Variants in MIOS observed in about 807,000 individuals in gnomAD.
MIOS encodes the protein GATOR2 complex protein MIOS.
Under a neutral mutation model 96.9 loss-of-function variants are expected in MIOS, and 52 were observed. That is an observed-to-expected ratio of 0.54 (90% CI 0.43 to 0.68). MIOS has a LOEUF of 0.68. Ranked by LOEUF, MIOS falls within the 30% of genes least tolerant of loss-of-function variation. The pLI, the probability that MIOS is intolerant of heterozygous loss-of-function variation, is 0.00. For missense variants in MIOS, 1,005 were observed against 1,052.8 expected, an observed-to-expected ratio of 0.95 and a Z score of 0.63; for synonymous variants, 397 against 359.5, an observed-to-expected ratio of 1.10 and a Z score of -1.18.
In MIOS at chr7:7,572,886, A is replaced by G. The variant is rs1484660002; in HGVS notation, c.411A>G (p.Arg137=). 1 of 1,614,084 alleles carries G rather than the reference A, an allele frequency of 6.2e-7. No individual in the cohort carries two copies. Among genetic ancestry groups the G allele is most frequent in the African/African-American group, 1.3e-5 (1 of 74,944 alleles). Reference sequence around the variant, plus strand: ...TAGCTGCTGGTTTAGATAAGCACAGAGCTGACTTTTCAGTGCTAATATGGG... The same window carrying G: ...TAGCTGCTGGTTTAGATAAGCACAGGGCTGACTTTTCAGTGCTAATATGGG... ...NWLAAGLDKH[R]ADFSVLIWDI... The change falls in exon 4 of 13, where the codon AGA becomes AGG. Residue 137 remains arginine (R), a synonymous_variant. Transcript: ENST00000340080. The surrounding 1 kb of genome is among the most constrained non-coding windows in gnomAD (Gnocchi z 4.8).
At chr7:7,583,056 A>G in intron 5 of MIOS, 62 bp from the exon 6 acceptor site, 1 of 1,496,940 alleles carries the variant, frequency 6.7e-7, no homozygotes, top group Middle Eastern at 2.0e-4. Context: ...TCTCTGTAAA[A>G]CTGACTTACT....
intron 3 of MIOS, among the ~76,000 whole-genome samples, chr7:7,569,677 G>T (rs189730095): frequency 2.0e-5 from 3 of 152,308 alleles, no homozygotes; most frequent in Non-Finnish European, 2.9e-5. Context: ...TAATCCAGTA[G>T]AAGAGACAGA....
At chr7:7,600,575 T>C (rs536287920) in intron 11 of MIOS, among the ~76,000 whole-genome samples, 7 of 152,214 alleles carry the variant, frequency 4.6e-5, no homozygotes, top group Non-Finnish European at 1.0e-4. Flanking sequence ...AGCAAGTCCT[T>C]AGTGACCTAC....
chr7:7,599,341 A>C (rs563018479), intron 11 of MIOS, among the ~76,000 whole-genome samples: 1 of 152,156 alleles, frequency 6.6e-6, no homozygotes, highest in East Asian at 1.9e-4. Context: ...CATATTTGCT[A>C]CTTTTTTCTA....
chr7:7,577,456 C>G (rs145466832), intron 5 of MIOS, among the ~76,000 whole-genome samples: 4 of 152,190 alleles, frequency 2.6e-5, no homozygotes, highest in African/African-American at 9.6e-5. Context: ...CAAAAAGATA[C>G]GCAGTAGGAG....
chr7:7,605,193 A>G (rs1434307181), intron 11 of MIOS: 3 of 152,128 alleles, frequency 2.0e-5, no homozygotes, highest in Non-Finnish European at 2.9e-5. Flanking sequence ...TAATTAAGCA[A>G]TTGTTTAAGT....
chr7:7,599,273 A>G (rs1442232890), intron 11 of MIOS, among the ~76,000 whole-genome samples: 1 of 152,202 alleles, frequency 6.6e-6, no homozygotes, highest in African/African-American at 2.4e-5. Flanking sequence ...TTCATCTTTC[A>G]CTACAGAAAT....
At chr7:7,580,835 C>T (rs1328524210) in intron 5 of MIOS, among the ~76,000 whole-genome samples, 2 of 150,662 alleles carry the variant, frequency 1.3e-5, no homozygotes, top group Non-Finnish European at 1.5e-5. Flanking sequence ...TACAGGTGCA[C>T]ACCACCACAC....
Position 7,573,625 on chromosome 7 carries a change from A to G in MIOS, c.1150A>G (p.Asn384Asp). 1 of 1,614,030 alleles carries G rather than the reference A, an allele frequency of 6.2e-7. No individual in the cohort carries two copies. The highest frequency in any genetic ancestry group is 8.5e-7 in the Non-Finnish European group (1 of 1,179,936). ...LYECTEEEND[N>D]SLEKDIATKM... ...TGAATGTACGGAAGAAGAAAATGATAATTCTTTAGAAAAAGATATAGCAAC... is the reference window on the plus strand; with the variant it reads ...TGAATGTACGGAAGAAGAAAATGATGATTCTTTAGAAAAAGATATAGCAAC... The change falls in exon 4 of 13, where the codon AAT becomes GAT. Residue 384 changes from asparagine (N) to aspartate (D), a missense_variant. Transcript: ENST00000340080. This position sits in a 1 kb window ranked among gnomAD's most constrained non-coding sequence, Gnocchi z 5.0.
chr7:7,606,824 A>C (rs941435443), intron 12 of MIOS, among the ~76,000 whole-genome samples, 172 bp from the exon 13 acceptor site: 2 of 151,994 alleles, frequency 1.3e-5, no homozygotes, highest in African/African-American at 4.8e-5. Flanking sequence ...AGTGGTGCAC[A>C]CCTGTAGTCC....
chr7:7,567,908 TGATATGTTGGC>T (rs1487719691), intron 2 of MIOS, 107 bp from the exon 3 acceptor site: 24 of 152,384 alleles, frequency 1.6e-4, no homozygotes, highest in African/African-American at 4.1e-4. Context: ...ATAATGCTGT[TGATATGTTGGC>T]TAAATAAAAT....
In MIOS at chr7:7,608,835, T is replaced by C. The variant is rs1784595253; in HGVS notation, c.*1743T>C. The C allele has an allele frequency of 6.6e-6, 1 of 152,072 alleles. No individual in the cohort carries two copies. 9.4% of individuals were successfully genotyped at this position (152,072 alleles called of 1,614,324 possible). ...TATAAAACATGAATGTAAAGTCTAT[T>C]ATGTAATATGCTTATTTGTAATCCT... On this transcript the variant is annotated 3_prime_UTR_variant, in exon 13 of 13. Coordinates refer to ENST00000340080, the MANE Select transcript of MIOS (RefSeq NM_019005.4).
At chr7:7,575,646 C>G (rs1329390439) in intron 5 of MIOS, among the ~76,000 whole-genome samples, 1 of 152,106 alleles carries the variant, frequency 6.6e-6, no homozygotes, top group African/African-American at 2.4e-5. Context: ...CCACACTGCA[C>G]TCAATTATTT....
chr7:7,573,605 G>A lies in MIOS; in HGVS notation c.1130G>A (p.Cys377Tyr), dbSNP rs560593245. 8.1e-6 allele frequency: 13 copies of A among 1,614,052 alleles called. No individual in the cohort carries two copies. The East Asian group carries it at 2.7e-4, about 33-fold the overall frequency. ...GCTTGTGGTCGTCATTTATATGAAT[G>A]TACGGAAGAAGAAAATGATAATTCT... is the stretch of plus-strand genomic sequence containing the variant. The part of the protein sequence containing the change: ...MWACGRHLYE[C>Y]TEEENDNSLE... Residue 377 changes from cysteine (C) to tyrosine (Y), a missense_variant, in exon 4 of 13, where the codon TGT becomes TAT. Coordinates refer to ENST00000340080, the MANE Select transcript of MIOS (RefSeq NM_019005.4). This position sits in a 1 kb window ranked among gnomAD's most constrained non-coding sequence, Gnocchi z 5.0.
intron 9 of MIOS, among the ~76,000 whole-genome samples, chr7:7,593,678 G>C (rs1422203674): frequency 4.0e-5 from 6 of 151,774 alleles, no homozygotes; most frequent in Non-Finnish European, 8.8e-5. Context: ...CAGATTACCT[G>C]AGGTCAGGAG....
Position 7,589,566 on chromosome 7 carries a change from C to A in MIOS, c.2043+3C>A. 6.3e-7 allele frequency: 1 copy of A among 1,591,360 alleles called. No individual in the cohort carries two copies. The highest frequency in any genetic ancestry group is 1.2e-5 in the South Asian group (1 of 86,608). ...CAGCAAGTTACTGTATGTTACAGGT[C>A]AGTGCAGTTTGACAGCAGCTTTTAA... On this transcript the variant is annotated splice_donor_region_variant and intron_variant, in intron 9 of 12. Coordinates refer to ENST00000340080, the MANE Select transcript of MIOS (RefSeq NM_019005.4).
At chr7:7,583,402 A>G (rs948017805) in intron 6 of MIOS, 30 bp downstream of exon 6, 9 of 1,525,460 alleles carry the variant, frequency 5.9e-6, no homozygotes, top group African/African-American at 5.5e-5. Flanking sequence ...GATATTAGTT[A>G]TAATCTAAGA....
intron 11 of MIOS, among the ~76,000 whole-genome samples, chr7:7,601,503 C>T (rs1375881360): frequency 2.0e-5 from 3 of 151,964 alleles, no homozygotes; most frequent in African/African-American, 7.3e-5. Context: ...ACACATACAC[C>T]CTCCCAAGAC....
intron 7 of MIOS, among the ~76,000 whole-genome samples, chr7:7,587,847 A>G: frequency 6.6e-6 from 1 of 152,212 alleles, no homozygotes; most frequent in East Asian, 1.9e-4. Context: ...TTTACAAATT[A>G]CAAAATTAAT....
Sources: gnomAD v4.1 joint callset for allele counts (sites outside exome capture counted in the v4.1 genomes callset) on GRCh38, gnomAD v4.1.1 for gene constraint, Gnocchi (gnomAD v3.1) non-coding constraint, MANE v1.5 for transcripts, NCBI Gene and HGNC (gene_info 2026-07-23, HGNC 2026-07-21) for gene names.